Variants in INSR observed in about 807,000 individuals in gnomAD.
INSR encodes IR.
Under a neutral mutation model 142.6 loss-of-function variants are expected in INSR, and 67 were observed. That is an observed-to-expected ratio of 0.47 (90% CI 0.39 to 0.58). The LOEUF (loss-of-function observed/expected upper bound fraction) is 0.58. Among genes scored for constraint, INSR ranks in the 20% least tolerant of loss-of-function variants. INSR has a pLI of 0.00. For synonymous variants in INSR, 756 were observed against 743.1 expected (o/e 1.02, Z -0.28); for missense variants, 1,248 against 1,833.2 (o/e 0.68, Z 5.83).
rs59085878 is a variant in INSR, at chr19:7,254,028, CA to C, written c.652+13316del. ...TGGGTGACAGAGCGAAACTCCATCT[CA>C]AAAAAAAAAAGAAAAAAGAAAAGAA... On this transcript the variant is annotated intron_variant, in intron 2 of 21. Transcript: ENST00000302850. Among the ~76,000 whole-genome samples, 458 of 125,088 alleles carry C rather than the reference CA, an allele frequency of 3.7e-3. 4 individuals are homozygous for C. The highest frequency in any genetic ancestry group is 0.012 in the African/African-American group (403 of 32,682). 82.1% of individuals were successfully genotyped at this position (125,088 alleles called of 152,430 possible).
intron 2 of INSR, among the ~76,000 whole-genome samples, chr19:7,230,552 A>C (rs1279664476): frequency 6.6e-5 from 10 of 152,200 alleles, no homozygotes; most frequent in African/African-American, 2.2e-4. Flanking sequence ...CATGCCTGTC[A>C]TCCCAGCACT....
chr19:7,145,378 G>A (rs1214656003), intron 11 of INSR, among the ~76,000 whole-genome samples: 1 of 151,830 alleles, frequency 6.6e-6, no homozygotes, highest in Non-Finnish European at 1.5e-5. Context: ...ATTTTGAAAG[G>A]GATCTTTTCC....
chr19:7,221,057 C>T (rs1371188752), intron 2 of INSR, among the ~76,000 whole-genome samples: 1 of 152,190 alleles, frequency 6.6e-6, no homozygotes, highest in Non-Finnish European at 1.5e-5. Context: ...TGTCAGGACT[C>T]TGCAGAGTCC....
At position 7,225,320 on chromosome 19, in the gene INSR, G is replaced by A. The variant is rs1052185317; in HGVS notation, c.653-40683C>T. ...GTAAGATGATTCCTCAGGGAGAAAC[G>A]CTAATGTTCCCCTTCCCCGACACTT... On this transcript the variant is annotated intron_variant, in intron 2 of 21. Transcript: ENST00000302850. This position sits in a 1 kb window ranked among gnomAD's most constrained non-coding sequence, Gnocchi z 4.7. Among the ~76,000 whole-genome samples the A allele has an allele frequency of 1.3e-5, 2 of 152,140 alleles. No homozygotes were observed. Among genetic ancestry groups the A allele is most frequent in the Admixed American group, 6.5e-5 (1 of 15,272 alleles).
intron 11 of INSR, among the ~76,000 whole-genome samples, chr19:7,148,509 G>C (rs1204850012): frequency 1.9e-5 from 2 of 104,350 alleles, no homozygotes; most frequent in Admixed American, 1.4e-4. Context: ...ACAGAGTCTC[G>C]CTCTGTCACC....
rs555321776 is a variant in INSR at position 7,116,222 on chromosome 19, A to T, written c.*834T>A. ...CTCCCTTGGCCACCAATGTGAAGGG[A>T]GGGTAGAAACCTGAGGCTAGACTTC... is the stretch of plus-strand genomic sequence containing the variant. On this transcript the variant is annotated 3_prime_UTR_variant, in exon 22 of 22. Transcript: ENST00000302850. The T allele has an allele frequency of 6.7e-6, 1 of 149,998 alleles. No individual in the cohort carries two copies. Among genetic ancestry groups the T allele is most frequent in the East Asian group, 2.0e-4 (1 of 5,092 alleles). 9.3% of individuals were successfully genotyped at this position (149,998 alleles called of 1,614,324 possible).
rs1972328653 is a variant in INSR at position 7,116,506 on chromosome 19, T to C, written c.*550A>G. On this transcript the variant is annotated 3_prime_UTR_variant, in exon 22 of 22. Transcript: ENST00000302850. ...CTATTGGTCAATTTGAGGAACTCAT[T>C]TTGTAAAGAAAAAAAAAATCCTTCA... 2.0e-5 allele frequency: 3 copies of C among 151,812 alleles called. No homozygotes were observed. The South Asian group carries it at 6.3e-4, about 32-fold the overall frequency. 9.4% of individuals were successfully genotyped at this position (151,812 alleles called of 1,614,324 possible).
chr19:7,234,477 G>A (rs115964312), intron 2 of INSR, among the ~76,000 whole-genome samples: 1,584 of 152,212 alleles, frequency 0.01, 36 homozygotes, highest in African/African-American at 0.036. Flanking sequence ...CAATGTGCTG[G>A]GATTACAAGT....
intron 2 of INSR, among the ~76,000 whole-genome samples, chr19:7,185,559 G>A (rs530118836): frequency 1.3e-5 from 2 of 152,216 alleles, no homozygotes; most frequent in East Asian, 3.9e-4. Context: ...ACATGCAAAT[G>A]TGGCTCGGTG....
Position 7,116,496 on chromosome 19 carries a change from A to T in INSR, c.*560T>A, listed in dbSNP as rs1972328327. 1 of 151,714 alleles carries T rather than the reference A, an allele frequency of 6.6e-6. No individual in the cohort carries two copies. The highest frequency in any genetic ancestry group is 2.1e-4 in the South Asian group (1 of 4,798). The allele number at this position is 151,714 out of a possible 1,614,324, so 9.4% of individuals were successfully genotyped here. A position where few individuals can be genotyped will look rare whatever the true frequency, so the allele number is the denominator to read the frequency against. ...AAAGCAGCAGCTATTGGTCAATTTG[A>T]GGAACTCATTTTGTAAAGAAAAAAA... is the stretch of plus-strand genomic sequence containing the variant. On this transcript the variant is annotated 3_prime_UTR_variant, in exon 22 of 22. Transcript: ENST00000302850.
chr19:7,233,954 A>C (rs1032347677), intron 2 of INSR, among the ~76,000 whole-genome samples: 1 of 149,064 alleles, frequency 6.7e-6, no homozygotes, highest in Non-Finnish European at 1.5e-5. Flanking sequence ...CACAGGCTGG[A>C]GTGGTGCAGT....
intron 2 of INSR, among the ~76,000 whole-genome samples, chr19:7,193,902 A>G (rs527916211): frequency 7.2e-5 from 11 of 152,138 alleles, no homozygotes; most frequent in Non-Finnish European, 1.6e-4. Context: ...AGGTCTCACA[A>G]TATTGCCCAG....
intron 14 of INSR, among the ~76,000 whole-genome samples, chr19:7,129,964 C>G (rs1235768368): frequency 6.6e-6 from 1 of 152,068 alleles, no homozygotes; most frequent in African/African-American, 2.4e-5. Flanking sequence ...GTCTCTAATG[C>G]CTGTCCTCAA....
intron 2 of INSR, among the ~76,000 whole-genome samples, chr19:7,237,300 C>T (rs12972004): frequency 0.23 from 34,165 of 151,598 alleles, 4,752 homozygotes; most frequent in Middle Eastern, 0.32. Flanking sequence ...AGGTGGATCA[C>T]GAGGTCAGGA....
intron 2 of INSR, among the ~76,000 whole-genome samples, chr19:7,253,745 C>G (rs982261840): frequency 6.6e-6 from 1 of 151,914 alleles, no homozygotes; most frequent in Non-Finnish European, 1.5e-5. Context: ...AATGAGCAAA[C>G]GGGCCGAGTG....
chr19:7,280,403 C>A (rs749896099), intron 1 of INSR, among the ~76,000 whole-genome samples: 2 of 151,890 alleles, frequency 1.3e-5, no homozygotes, highest in Non-Finnish European at 2.9e-5. Context: ...AAGTTTGAGA[C>A]CCGTCTCTAC....
At chr19:7,233,273 C>G (rs1308878102) in intron 2 of INSR, among the ~76,000 whole-genome samples, 1 of 152,114 alleles carries the variant, frequency 6.6e-6, no homozygotes, top group Admixed American at 6.6e-5. Context: ...GGATTACAGG[C>G]GTGAGCCACC....
intron 2 of INSR, among the ~76,000 whole-genome samples, chr19:7,200,353 A>G (rs1974918560): frequency 6.6e-6 from 1 of 152,110 alleles, no homozygotes. Context: ...AACTGGATAC[A>G]ACTCACGAGA....
chr19:7,148,477 C>CTTTTTTTTTTTT lies in INSR; in HGVS notation c.2267+2008_2267+2019dup, dbSNP rs71177160. On this transcript the variant is annotated intron_variant, in intron 11 of 21. Transcript: ENST00000302850. ...TTATTATTAGTATTATGTATTTATT[C>CTTTTTTTTTTTT]TTTTTTTTTTTTTTTTTTGAGACAG... Among the ~76,000 whole-genome samples the CTTTTTTTTTTTT allele has an allele frequency of 5.8e-3, 550 of 95,034 alleles. 78 individuals are homozygous for CTTTTTTTTTTTT. Among genetic ancestry groups the CTTTTTTTTTTTT allele is most frequent in the East Asian group, 0.017 (56 of 3,238 alleles). 62.3% of individuals were successfully genotyped at this position (95,034 alleles called of 152,430 possible).
Sources: allele counts gnomAD v4.1 joint callset (sites outside exome capture counted in the v4.1 genomes callset), GRCh38; gene constraint gnomAD v4.1.1; non-coding constraint Gnocchi (gnomAD v3.1); transcripts MANE v1.5; gene names NCBI Gene and HGNC (gene_info 2026-07-23, HGNC 2026-07-21).